Variants in ZBTB46 observed in about 807,000 individuals in gnomAD.
The protein encoded by ZBTB46 is zinc finger and BTB domain containing 46, also known as zinc finger and BTB domain-containing protein 46.
Under a neutral mutation model 44.1 loss-of-function variants are expected in ZBTB46, and 8 were observed. That is an observed-to-expected ratio of 0.18 (90% confidence interval 0.11 to 0.33). The LOEUF is 0.33. ZBTB46 is among the 10% of genes least tolerant of loss of function. The pLI is 1.00. For missense variants in ZBTB46, 651 were observed against 847.7 expected (o/e 0.77, Z 2.88); for synonymous variants, 409 against 382.3 (o/e 1.07, Z -0.81).
intron 1 of ZBTB46, among the ~76,000 whole-genome samples, chr20:63,809,424 G>A (rs2092705211): frequency 6.6e-6 from 1 of 152,196 alleles, no homozygotes; most frequent in South Asian, 2.1e-4. Flanking sequence ...CCAGGCCTCA[G>A]GAGCTCACAG....
intron 3 of ZBTB46, among the ~76,000 whole-genome samples, chr20:63,754,390 C>A (rs1463444403): frequency 6.6e-6 from 1 of 152,186 alleles, no homozygotes; most frequent in Non-Finnish European, 1.5e-5. Flanking sequence ...AGCAAACGCT[C>A]CACACATTCT....
chr20:63,751,882 G>C (rs1373322958), intron 4 of ZBTB46, among the ~76,000 whole-genome samples: 2 of 151,070 alleles, frequency 1.3e-5, no homozygotes, highest in Admixed American at 6.6e-5. Context: ...GGTGGAGCTC[G>C]GCTCCTGCAG....
intron 3 of ZBTB46, among the ~76,000 whole-genome samples, chr20:63,762,236 T>A (rs1236342683): frequency 2.0e-5 from 3 of 152,218 alleles, no homozygotes; most frequent in African/African-American, 7.2e-5. Context: ...AAATATTCTC[T>A]ATCCTTACTG....
At chr20:63,813,909 CTG>C (rs2092732346) in intron 1 of ZBTB46, among the ~76,000 whole-genome samples, 1 of 152,120 alleles carries the variant, frequency 6.6e-6, no homozygotes, top group Non-Finnish European at 1.5e-5. Context: ...GAGGGTAAAA[CTG>C]AGATTTGCTT....
chr20:63,790,527 G>A lies in ZBTB46; in HGVS notation c.231C>T (p.Ile77=), dbSNP rs746243093. 6.9e-5 allele frequency: 112 copies of A among 1,612,610 alleles called. No homozygotes were observed. The highest frequency in any genetic ancestry group is 9.0e-5 in the Non-Finnish European group (106 of 1,179,242). Reference sequence around the variant, plus strand: ...TGGCCTTGAAGCCCTGGGCCGTGACGATGTCCAGGTGCGTGACCGTGGCCT... The same window carrying A: ...TGGCCTTGAAGCCCTGGGCCGTGACAATGTCCAGGTGCGTGACCGTGGCCT... The part of the protein sequence containing the change: ...SEQATVTHLD[I]VTAQGFKAII... The change falls in exon 2 of 5, where the codon ATC becomes ATT. Residue 77 remains isoleucine (I), a synonymous_variant. Coordinates refer to ENST00000245663, the MANE Select transcript of ZBTB46 (RefSeq NM_001369741.1).
At position 63,746,831 on chromosome 20, in the gene ZBTB46, A is replaced by C; in HGVS notation, c.*99T>G. Reference sequence around the variant, plus strand: ...AGGGGGAAGCAGAGGAGGGGCCGCGAGAGGGGTGAGCGTGGCCCTGGCCCC... The same window carrying C: ...AGGGGGAAGCAGAGGAGGGGCCGCGCGAGGGGTGAGCGTGGCCCTGGCCCC... On this transcript the variant is annotated 3_prime_UTR_variant, in exon 5 of 5. Transcript: ENST00000245663. 7.1e-7 allele frequency: 1 copy of C among 1,406,916 alleles called. No homozygotes were observed. The highest frequency in any genetic ancestry group is 9.2e-7 in the Non-Finnish European group (1 of 1,082,534). The allele number at this position is 1,406,916 out of a possible 1,614,324, so 87.2% of individuals were successfully genotyped here. A position where few individuals can be genotyped will look rare whatever the true frequency, so the allele number is the denominator to read the frequency against.
intron 3 of ZBTB46, among the ~76,000 whole-genome samples, chr20:63,762,897 C>T (rs891909945): frequency 1.3e-5 from 2 of 151,870 alleles, no homozygotes; most frequent in Non-Finnish European, 2.9e-5. Flanking sequence ...GGTGTTGCTC[C>T]GTTACCCACG....
chr20:63,753,536 C>T (rs2092191039), intron 3 of ZBTB46, among the ~76,000 whole-genome samples: 1 of 152,228 alleles, frequency 6.6e-6, no homozygotes, highest in African/African-American at 2.4e-5. Flanking sequence ...CGCCCAGTGC[C>T]GTTATGCTAC....
chr20:63,788,258 C>CA (rs2092531896), intron 2 of ZBTB46: 1 of 152,266 alleles, frequency 6.6e-6, no homozygotes, highest in African/African-American at 2.4e-5. Flanking sequence ...AGTACAGGCA[C>CA]AGGCAACACC....
intron 3 of ZBTB46, among the ~76,000 whole-genome samples, chr20:63,756,704 A>G (rs902483003): frequency 1.3e-5 from 2 of 152,184 alleles, no homozygotes; most frequent in Admixed American, 1.3e-4. Flanking sequence ...CCCTAGTTGT[A>G]ACCCCCAGAG....
At chr20:63,832,263 C>T (rs909279158), upstream of ZBTB46, among the ~76,000 whole-genome samples, 14 of 152,274 alleles carry the variant, frequency 9.2e-5, no homozygotes, top group Middle Eastern at 3.4e-3. This position sits in a 1 kb window ranked among gnomAD's most constrained non-coding sequence, Gnocchi z 5.0. Flanking sequence ...GTGGGAAGCG[C>T]GGCCCCGCAT....
intron 2 of ZBTB46, among the ~76,000 whole-genome samples, chr20:63,788,939 G>C (rs1377498781): frequency 6.7e-6 from 1 of 149,864 alleles, no homozygotes; most frequent in African/African-American, 2.5e-5. Context: ...AGGTTCAAGC[G>C]ATTCTCCTGC....
At chr20:63,755,963 C>T (rs756231611) in intron 3 of ZBTB46, among the ~76,000 whole-genome samples, 1 of 152,180 alleles carries the variant, frequency 6.6e-6, no homozygotes, top group African/African-American at 2.4e-5. Context: ...AACTGAGAAG[C>T]GATGCTATCA....
intron 1 of ZBTB46, among the ~76,000 whole-genome samples, chr20:63,812,643 G>C (rs1323666321): frequency 6.6e-6 from 1 of 152,096 alleles, no homozygotes; most frequent in African/African-American, 2.4e-5. Context: ...GCTGGGTGTG[G>C]TGGCAGGCGC....
At chr20:63,773,604 G>T (rs1039117905) in intron 3 of ZBTB46, among the ~76,000 whole-genome samples, 3 of 152,068 alleles carry the variant, frequency 2.0e-5, no homozygotes, top group African/African-American at 7.2e-5. Flanking sequence ...GGAGGGGAGG[G>T]TAGTGAGGGA....
chr20:63,776,794 GCT>G (rs2092429349), intron 2 of ZBTB46, among the ~76,000 whole-genome samples: 1 of 133,722 alleles, frequency 7.5e-6, no homozygotes, highest in East Asian at 2.1e-4. Context: ...ACAGAACAAC[GCT>G]CTGTCTCAAA....
At chr20:63,764,850 C>T (rs917816001) in intron 3 of ZBTB46, among the ~76,000 whole-genome samples, 8 of 152,084 alleles carry the variant, frequency 5.3e-5, no homozygotes, top group Admixed American at 3.3e-4. Context: ...CTGCCCACCT[C>T]GGCCTCCCAT....
chr20:63,771,701 G>A (rs993462959), intron 3 of ZBTB46, among the ~76,000 whole-genome samples: 10 of 152,182 alleles, frequency 6.6e-5, no homozygotes, highest in African/African-American at 9.7e-5. Flanking sequence ...GTTTACTCCC[G>A]CGCGGATTCC....
At chr20:63,785,390 G>A (rs890450665) in intron 2 of ZBTB46, among the ~76,000 whole-genome samples, 4 of 151,646 alleles carry the variant, frequency 2.6e-5, no homozygotes, top group South Asian at 2.1e-4. Flanking sequence ...GTGAAACCCC[G>A]TCTCTACTAA....
Sources: gnomAD v4.1 joint callset for allele counts (sites outside exome capture counted in the v4.1 genomes callset) on GRCh38, gnomAD v4.1.1 for gene constraint, Gnocchi (gnomAD v3.1) non-coding constraint, MANE v1.5 for transcripts, NCBI Gene and HGNC (gene_info 2026-07-23, HGNC 2026-07-21) for gene names.